PTPRG: variants seen among roughly 807,000 people sequenced by gnomAD.
PTPRG encodes receptor-type tyrosine-protein phosphatase gamma.
PTPRG carries 102 observed loss-of-function variants against 165.3 expected under a neutral mutation model. The observed-to-expected ratio is 0.62, with a 90% CI of 0.53 to 0.73. PTPRG has a LOEUF of 0.73. Among genes scored for constraint, PTPRG ranks in the 30% least tolerant of loss-of-function variants. The probability of loss-of-function intolerance (pLI) is 0.00; values close to 1 mark genes in which losing one functional copy is unlikely to be tolerated. For missense variants in PTPRG, 1,866 were observed against 1,861.4 expected (o/e 1.00, Z -0.05); for synonymous variants, 675 against 669.5 (o/e 1.01, Z -0.13).
intron 1 of PTPRG, among the ~76,000 whole-genome samples, chr3:61,599,587 G>C (rs1700791929): frequency 6.6e-6 from 1 of 151,908 alleles, no homozygotes; most frequent in East Asian, 1.9e-4. Context: ...CCATTTCCTG[G>C]GCTCAAGTGG....
rs1702450488 is a variant in PTPRG, at chr3:62,281,554, A to ATTTTTTTTTT, written c.3766-7_3766-6insTTTTTTTTTT. The stretch of plus-strand genomic sequence containing the variant: ...CTGCAGAGGCTTTTTTTTTTTTTGG[A>ATTTTTTTTTT]TTCCAAAGGCAGAAGATGAGTTTGT... On this transcript the variant is annotated splice_polypyrimidine_tract_variant and intron_variant, in intron 26 of 29. Transcript: ENST00000474889. 2 of 226,456 alleles carry ATTTTTTTTTT rather than the reference A, an allele frequency of 8.8e-6. No homozygotes were observed. The highest frequency in any genetic ancestry group is 1.1e-4 in the African/African-American group (1 of 8,918). 14.0% of individuals were successfully genotyped at this position (226,456 alleles called of 1,614,324 possible). A position where few individuals can be genotyped will look rare whatever the true frequency, so the allele number is the denominator to read the frequency against.
chr3:62,201,584 G>T (rs773232022), intron 11 of PTPRG, 30 bp downstream of exon 11: 13 of 1,602,572 alleles, frequency 8.1e-6, no homozygotes, highest in Admixed American at 3.4e-5. Context: ...TTGCTTTGTC[G>T]TGGCTGGTTG....
chr3:62,074,617 A>G (rs1420557389), intron 4 of PTPRG, among the ~76,000 whole-genome samples: 1 of 152,098 alleles, frequency 6.6e-6, no homozygotes, highest in African/African-American at 2.4e-5. Flanking sequence ...CTGGGGTTAC[A>G]TGCATGAGCC....
intron 2 of PTPRG, among the ~76,000 whole-genome samples, chr3:61,874,632 T>C (rs1205715241): frequency 6.6e-6 from 1 of 152,198 alleles, no homozygotes; most frequent in Middle Eastern, 3.4e-3. Flanking sequence ...CCTGGAAATA[T>C]TTGGCAATGT....
rs909482344 is a variant in PTPRG, at chr3:62,190,985, A to G, written c.1034-484A>G. On this transcript the variant is annotated intron_variant, in intron 8 of 29. Coordinates refer to ENST00000474889, the MANE Select transcript of PTPRG (RefSeq NM_002841.4). This position sits in a 1 kb window ranked among gnomAD's most constrained non-coding sequence, Gnocchi z 5.2. ...GAGTGTCCTCAATCTTGGGAGATGC[A>G]GGACAGAGTATCTAGAGGAGAAGCG... Among the ~76,000 whole-genome samples, 1 of 152,260 alleles carries G rather than the reference A, an allele frequency of 6.6e-6. No homozygotes were observed. The highest frequency in any genetic ancestry group is 1.5e-5 in the Non-Finnish European group (1 of 68,040).
chr3:61,616,858 C>T (rs974683223), intron 1 of PTPRG, among the ~76,000 whole-genome samples: 3 of 152,232 alleles, frequency 2.0e-5, no homozygotes, highest in African/African-American at 7.2e-5. Flanking sequence ...GGCACTGCTG[C>T]TGCAGGGGTG....
Position 62,293,324 on chromosome 3 carries a change from G to C in PTPRG, c.*17G>C. ...CTAGTGTGACTGGAATCCTGAAAGG[G>C]CACTTAATTTGTAAACTTCTGAAGA... is the stretch of plus-strand genomic sequence containing the variant. On this transcript the variant is annotated 3_prime_UTR_variant, in exon 30 of 30. Transcript: ENST00000474889. 6.5e-7 allele frequency: 1 copy of C among 1,531,186 alleles called. No individual in the cohort carries two copies. Among genetic ancestry groups the C allele is most frequent in the Non-Finnish European group, 8.7e-7 (1 of 1,144,442 alleles). The allele number at this position is 1,531,186 out of a possible 1,614,324, so 94.8% of individuals were successfully genotyped here. A position where few individuals can be genotyped will look rare whatever the true frequency, so the allele number is the denominator to read the frequency against.
chr3:61,949,879 T>C (rs1559708190), intron 2 of PTPRG, among the ~76,000 whole-genome samples: 1 of 152,104 alleles, frequency 6.6e-6, no homozygotes, highest in Middle Eastern at 3.4e-3. Flanking sequence ...TCCTGAGTAG[T>C]TGGGACTACA....
chr3:61,714,339 G>T (rs568432908), intron 1 of PTPRG, among the ~76,000 whole-genome samples: 4 of 152,228 alleles, frequency 2.6e-5, no homozygotes, highest in African/African-American at 9.6e-5. Flanking sequence ...GTTAGCCATG[G>T]TTTAAGTGTG....
At chr3:61,937,498 C>T (rs150708999) in intron 2 of PTPRG, among the ~76,000 whole-genome samples, 5 of 152,250 alleles carry the variant, frequency 3.3e-5, no homozygotes, top group African/African-American at 9.6e-5. Context: ...TTTGAAATAC[C>T]CTTCATTGAG....
intron 6 of PTPRG, among the ~76,000 whole-genome samples, chr3:62,138,714 C>CAAAAAAAAAAAAAAAAAAAA (rs563632840): frequency 2.2e-5 from 2 of 91,386 alleles, no homozygotes; most frequent in Admixed American, 1.4e-4. Flanking sequence ...GGCAAAGCTC[C>CAAAAAAAAAAAAAAAAAAAA]AAAAAAAAAA....
rs1027043641 is a variant in PTPRG at position 62,294,264 on chromosome 3, C to G, written c.*957C>G. 22 of 152,058 alleles carry G rather than the reference C, an allele frequency of 1.4e-4. No homozygotes were observed. Among genetic ancestry groups the G allele is most frequent in the Admixed American group, 5.9e-4 (9 of 15,228 alleles). The allele number at this position is 152,058 out of a possible 1,614,324, so 9.4% of individuals were successfully genotyped here. On this transcript the variant is annotated 3_prime_UTR_variant, in exon 30 of 30. Transcript: ENST00000474889. ...AGTCCTCTAAAAATTCCCTATTACTCCTATAGCAATCTAATAAAAACTACC... is the reference window on the plus strand; with the variant it reads ...AGTCCTCTAAAAATTCCCTATTACTGCTATAGCAATCTAATAAAAACTACC...
At chr3:62,010,554 C>G (rs1039087466) in intron 4 of PTPRG, among the ~76,000 whole-genome samples, 2 of 151,588 alleles carry the variant, frequency 1.3e-5, no homozygotes, top group Middle Eastern at 3.2e-3. Flanking sequence ...TGAAGTTTTC[C>G]TGTGTTGCCC....
intron 1 of PTPRG, among the ~76,000 whole-genome samples, chr3:61,708,611 C>T (rs923233577): frequency 5.9e-5 from 9 of 151,882 alleles, no homozygotes; most frequent in South Asian, 2.1e-4. Flanking sequence ...CCTGCCACCA[C>T]GCCCAGCTAA....
At chr3:62,045,063 G>C (rs1700245696) in intron 4 of PTPRG, among the ~76,000 whole-genome samples, 1 of 152,168 alleles carries the variant, frequency 6.6e-6, no homozygotes, top group Non-Finnish European at 1.5e-5. Flanking sequence ...TGTGGGGTGA[G>C]GGCAGCCATT....
intron 1 of PTPRG, among the ~76,000 whole-genome samples, chr3:61,748,373 A>G (rs1559589567): frequency 6.6e-6 from 1 of 152,186 alleles, no homozygotes; most frequent in Non-Finnish European, 1.5e-5. Flanking sequence ...TAGTTCCTCC[A>G]TCTGTAAAAG....
chr3:62,264,892 A>G (rs1473179411), intron 17 of PTPRG, among the ~76,000 whole-genome samples: 3 of 151,412 alleles, frequency 2.0e-5, no homozygotes, highest in Non-Finnish European at 4.4e-5. Context: ...GTGGCTATTC[A>G]TTTTACGTTC....
intron 4 of PTPRG, among the ~76,000 whole-genome samples, chr3:62,047,246 A>ATTATTTAT (rs10523312): frequency 0.19 from 11,728 of 62,952 alleles, 531 homozygotes; most frequent in Non-Finnish European, 0.25. Flanking sequence ...TGAGCTTCCT[A>ATTATTTAT]TTATTTATTT....
At chr3:61,689,815 C>T (rs114766382) in intron 1 of PTPRG, among the ~76,000 whole-genome samples, 2 of 152,142 alleles carry the variant, frequency 1.3e-5, no homozygotes, top group South Asian at 4.1e-4. Context: ...TTGCAGTGTT[C>T]TTATCCCATC....
Sources: gnomAD v4.1 joint callset for allele counts (sites outside exome capture counted in the v4.1 genomes callset) on GRCh38, gnomAD v4.1.1 for gene constraint, Gnocchi (gnomAD v3.1) non-coding constraint, MANE v1.5 for transcripts, NCBI Gene and HGNC (gene_info 2026-07-23, HGNC 2026-07-21) for gene names.